The following ADAMTS8 variants were observed in gnomAD, a reference collection of about 807,000 sequenced individuals.
The protein encoded by ADAMTS8 is A disintegrin and metalloproteinase with thrombospondin motifs 8.
ADAMTS8 carries 50 observed loss-of-function variants against 64.4 expected under a neutral mutation model. The observed-to-expected ratio is 0.78, with a 90% CI of 0.62 to 0.98. The LOEUF (loss-of-function observed/expected upper bound fraction) is 0.98. Among genes scored for constraint, ADAMTS8 ranks in the 50% least tolerant of loss-of-function variants. ADAMTS8 has a pLI of 0.00. For synonymous variants in ADAMTS8, 556 were observed against 533.6 expected (o/e 1.04, Z -0.58); for missense variants, 1,192 against 1,208.2 (o/e 0.99, Z 0.20).
At chr11:130,422,093 G>A (rs938688332) in intron 1 of ADAMTS8, among the ~76,000 whole-genome samples, 1 of 152,104 alleles carries the variant, frequency 6.6e-6, no homozygotes, top group Non-Finnish European at 1.5e-5. Context: ...AGGGAGAGGC[G>A]GCACTTTTTA....
At chr11:130,417,150 G>A (rs1311012944) in intron 2 of ADAMTS8, 75 bp from the exon 3 acceptor site, 9 of 1,588,076 alleles carry the variant, frequency 5.7e-6, no homozygotes, top group Non-Finnish European at 7.7e-6. Flanking sequence ...AGGGCCGGGT[G>A]TGGCCAGCGT....
intron 1 of ADAMTS8, among the ~76,000 whole-genome samples, chr11:130,421,704 G>C (rs554140863): frequency 2.0e-5 from 3 of 152,152 alleles, no homozygotes; most frequent in Non-Finnish European, 4.4e-5. Context: ...AGTTCCCTAC[G>C]GAGAAGGACC....
At chr11:130,426,303 G>A (rs1862166300) in intron 1 of ADAMTS8, among the ~76,000 whole-genome samples, 1 of 152,212 alleles carries the variant, frequency 6.6e-6, no homozygotes, top group South Asian at 2.1e-4. Context: ...GGGAAAGATG[G>A]GGTGAGAAAC....
At position 130,405,850 on chromosome 11, in the gene ADAMTS8, A is replaced by T. The variant is rs1475802859; in HGVS notation, c.2378T>A (p.Val793Asp). ...TTTTGGGGGGAAGACCTCGCCAGGG[A>T]CTGTCAGGAGCTGCACTGTCAGAGG... ...PEPLTVQLLT[V>D]PGEVFPPKVK... The change falls in exon 9 of 9, where the codon GTC becomes GAC. Residue 793 changes from valine to aspartate, a missense_variant. Coordinates refer to ENST00000257359, the MANE Select transcript of ADAMTS8 (RefSeq NM_007037.6). The T allele has an allele frequency of 6.2e-7, 1 of 1,614,072 alleles. No individual in the cohort carries two copies. The highest frequency in any genetic ancestry group is 1.7e-5 in the Admixed American group (1 of 60,032).
rs371490573 is a variant in ADAMTS8 at position 130,416,144 on chromosome 11, C to G, written c.1264+19G>C. The G allele has an allele frequency of 1.3e-6, 2 of 1,550,258 alleles. No individual in the cohort carries two copies. The highest frequency in any genetic ancestry group is 1.4e-5 in the African/African-American group (1 of 73,816). ...AGGAGGCCCACGGGGACAAGTAGGG[C>G]GGGGCCGCCGGTGCCTACCGTGCCC... On this transcript the variant is annotated intron_variant, in intron 4 of 8. Transcript: ENST00000257359. This position sits in a 1 kb window ranked among gnomAD's most constrained non-coding sequence, Gnocchi z 4.8.
Position 130,427,666 on chromosome 11 carries a change from G to A in ADAMTS8, c.621C>T (p.Ala207=). The A allele has an allele frequency of 6.3e-7, 1 of 1,595,654 alleles. No homozygotes were observed. The highest frequency in any genetic ancestry group is 8.5e-7 in the Non-Finnish European group (1 of 1,172,958). The part of the protein sequence containing the change: ...GASEPPPPLG[A]TSRTKRFVSE... ...ACACAAACCGCTTGGTCCTACTCGT[G>A]GCCCCCAGGGGCGGTGGCGGCTCGC... Residue 207 remains alanine (A), a synonymous_variant, in exon 1 of 9, where the codon GCC becomes GCT. Coordinates refer to ENST00000257359, the MANE Select transcript of ADAMTS8 (RefSeq NM_007037.6).
At position 130,405,844 on chromosome 11, in the gene ADAMTS8, C is replaced by A. The variant is rs1372654268; in HGVS notation, c.2384G>T (p.Gly795Val). Residue 795 changes from glycine to valine, a missense_variant, in exon 9 of 9, where the codon GGC becomes GTC. Physicochemically the swap from Gly to Val is moderately radical, Grantham distance 109. Transcript: ENST00000257359. ...PLTVQLLTVP[G>V]EVFPPKVKYT... ...TTTGACTTTTGGGGGGAAGACCTCG[C>A]CAGGGACTGTCAGGAGCTGCACTGT... 2 of 1,614,016 alleles carry A rather than the reference C, an allele frequency of 1.2e-6. No homozygotes were observed. Among genetic ancestry groups the A allele is most frequent in the East Asian group, 2.2e-5 (1 of 44,880 alleles).
intron 8 of ADAMTS8, among the ~76,000 whole-genome samples, chr11:130,406,965 G>C (rs542213728): frequency 2.6e-5 from 4 of 152,182 alleles, no homozygotes; most frequent in Non-Finnish European, 5.9e-5. Flanking sequence ...CAGACTCTTA[G>C]AGTGTCCACA....
At position 130,405,920 on chromosome 11, in the gene ADAMTS8, T is replaced by C; in HGVS notation, c.2308A>G (p.Ile770Val). ...KGTILKYSGS[I>V]ATLERLQSFR... Reference sequence around the variant, plus strand: ...CTCTGCAGGCGCTCCAGGGTGGCGATGGAGCCGCTGTACTTCAGGATGGTC... The same window carrying C: ...CTCTGCAGGCGCTCCAGGGTGGCGACGGAGCCGCTGTACTTCAGGATGGTC... Residue 770 changes from isoleucine to valine, a missense_variant, in exon 9 of 9, where the codon ATC becomes GTC. Around this residue, in one of 5 missense-constraint regions of ADAMTS8, gnomAD observed 147 missense variants for 154.1 expected, o/e 0.95. Coordinates refer to ENST00000257359, the MANE Select transcript of ADAMTS8 (RefSeq NM_007037.6). 1 of 1,614,110 alleles carries C rather than the reference T, an allele frequency of 6.2e-7. No homozygotes were observed. Among genetic ancestry groups the C allele is most frequent in the Non-Finnish European group, 8.5e-7 (1 of 1,179,954 alleles).
chr11:130,409,416 C>A (rs1194338815), intron 6 of ADAMTS8, among the ~76,000 whole-genome samples: 1 of 152,154 alleles, frequency 6.6e-6, no homozygotes, highest in East Asian at 1.9e-4. Flanking sequence ...CTGGGTGTCC[C>A]TGGGGAGCTC....
At position 130,427,642 on chromosome 11, in the gene ADAMTS8, C is replaced by T. The variant is rs149029756; in HGVS notation, c.645G>A (p.Val215=). 2,295 of 1,583,384 alleles carry T rather than the reference C, an allele frequency of 1.4e-3. 30 individuals carry two copies. The African/African-American group carries it at 0.028, about 19-fold the overall frequency. ...LGATSRTKRF[V]SEARFVETLL... ...GCGTCTCCACGAAGCGCGCCTCAGA[C>T]ACAAACCGCTTGGTCCTACTCGTGG... Residue 215 remains valine, a synonymous_variant, in exon 1 of 9, where the codon GTG becomes GTA. Coordinates refer to ENST00000257359, the MANE Select transcript of ADAMTS8 (RefSeq NM_007037.6).
chr11:130,419,937 C>G (rs945455435), intron 1 of ADAMTS8, among the ~76,000 whole-genome samples: 1 of 152,218 alleles, frequency 6.6e-6, no homozygotes, highest in African/African-American at 2.4e-5. Flanking sequence ...TCACTCCTAA[C>G]AACAGCTACT....
At chr11:130,409,304 T>C (rs1372782252) in intron 6 of ADAMTS8, among the ~76,000 whole-genome samples, 2 of 152,154 alleles carry the variant, frequency 1.3e-5, no homozygotes, top group Non-Finnish European at 2.9e-5. Context: ...CACTACTAAT[T>C]GTGCAGTATC....
At chr11:130,408,667 A>G in intron 7 of ADAMTS8, 28 bp from the exon 8 acceptor site, 3 of 1,613,282 alleles carry the variant, frequency 1.9e-6, no homozygotes, top group Non-Finnish European at 2.5e-6. Context: ...AAGGTGAGGG[A>G]GGGCGTGTTG....
intron 5 of ADAMTS8, 25 bp downstream of exon 5, chr11:130,414,506 G>T (rs780593126): frequency 6.4e-7 from 1 of 1,555,712 alleles, no homozygotes; most frequent in Non-Finnish European, 8.7e-7. Context: ...TCCCCTCCCC[G>T]CTATCCTCAG....
chr11:130,406,153 C>A, intron 8 of ADAMTS8, 25 bp from the exon 9 acceptor site: 1 of 1,584,534 alleles, frequency 6.3e-7, no homozygotes, highest in Non-Finnish European at 8.6e-7. Flanking sequence ...GAAGGACACC[C>A]TTAGACCAGT....
chr11:130,417,438 G>C (rs1372869330), intron 2 of ADAMTS8, among the ~76,000 whole-genome samples: 1 of 151,686 alleles, frequency 6.6e-6, no homozygotes. Context: ...TGTATTTTTA[G>C]TAGAGACAGG....
At chr11:130,417,157 G>T in intron 2 of ADAMTS8, 82 bp from the exon 3 acceptor site, 4 of 1,578,562 alleles carry the variant, frequency 2.5e-6, no homozygotes, top group Non-Finnish European at 3.5e-6. Flanking sequence ...GGTGTGGCCA[G>T]CGTGCACGTG....
At position 130,416,694 on chromosome 11, in the gene ADAMTS8, C is replaced by T. The variant is rs1167124479; in HGVS notation, c.1096+246G>A. On this transcript the variant is annotated intron_variant, in intron 3 of 8. Transcript: ENST00000257359. This position sits in a 1 kb window ranked among gnomAD's most constrained non-coding sequence, Gnocchi z 4.8. ...CTGGTGTCCTGTGTCCTGGCATTTGCCCGGTGACCTGTGATAATCGTGTGG... is the reference window on the plus strand; with the variant it reads ...CTGGTGTCCTGTGTCCTGGCATTTGTCCGGTGACCTGTGATAATCGTGTGG... Among the ~76,000 whole-genome samples the T allele has an allele frequency of 6.6e-6, 1 of 152,296 alleles. No individual in the cohort carries two copies. The highest frequency in any genetic ancestry group is 3.4e-3 in the Middle Eastern group (1 of 294).
Sources: gnomAD v4.1 joint callset for allele counts (sites outside exome capture counted in the v4.1 genomes callset) on GRCh38, gnomAD v4.1.1 for gene constraint, gnomAD v4.1.1 regional missense constraint, Gnocchi (gnomAD v3.1) non-coding constraint, MANE v1.5 for transcripts, NCBI Gene and HGNC (gene_info 2026-07-23, HGNC 2026-07-21) for gene names.